STK31: variants seen among roughly 807,000 people sequenced by gnomAD.
The protein encoded by STK31 is serine/threonine-protein kinase 31.
In STK31, 89 loss-of-function variants were observed where a neutral mutation model predicts 129.7. That is an observed-to-expected ratio of 0.69 (90% CI 0.58 to 0.82). STK31 has a LOEUF of 0.82. STK31 is among the 40% of genes least tolerant of loss of function. The pLI, the probability that STK31 is intolerant of heterozygous loss-of-function variation, is 0.00. For synonymous variants in STK31, 448 were observed against 395.3 expected (o/e 1.13, Z -1.58); for missense variants, 1,187 against 1,176.4 (o/e 1.01, Z -0.13).
chr7:23,726,522 G>A (rs550530251), intron 4 of STK31: 1 of 151,184 alleles, frequency 6.6e-6, no homozygotes, highest in African/African-American at 2.4e-5. Context: ...GGACTGAGGT[G>A]GGAGGATCAC....
chr7:23,816,386 T>C (rs1412818250), intron 23 of STK31, among the ~76,000 whole-genome samples: 2 of 152,250 alleles, frequency 1.3e-5, no homozygotes, highest in Admixed American at 6.5e-5. Flanking sequence ...TACCAAGTTA[T>C]CCTGAAATTT....
intron 22 of STK31, among the ~76,000 whole-genome samples, chr7:23,797,968 A>C (rs547035432): frequency 5.3e-5 from 8 of 152,208 alleles, no homozygotes; most frequent in African/African-American, 9.6e-5. Context: ...AATGCAATAA[A>C]CACCTCTATG....
intron 3 of STK31, 62 bp from the exon 4 acceptor site, chr7:23,717,419 C>G (rs968016571): frequency 3.4e-6 from 4 of 1,181,256 alleles, no homozygotes; most frequent in South Asian, 1.5e-5. Flanking sequence ...TTAGAACCCT[C>G]AAGCGTGTAA....
chr7:23,723,768 A>T (rs891332669), intron 4 of STK31, among the ~76,000 whole-genome samples: 2 of 152,184 alleles, frequency 1.3e-5, no homozygotes, highest in African/African-American at 4.8e-5. Context: ...AGATAAGTCT[A>T]TCTGGGATAG....
chr7:23,760,133 A>G (rs1789371318), intron 10 of STK31, among the ~76,000 whole-genome samples: 1 of 152,118 alleles, frequency 6.6e-6, no homozygotes, highest in African/African-American at 2.4e-5. Context: ...GTTTTCTTTA[A>G]TTTATTGTAT....
chr7:23,793,717 A>G (rs1165046545), intron 22 of STK31, among the ~76,000 whole-genome samples: 1 of 152,198 alleles, frequency 6.6e-6, no homozygotes, highest in African/African-American at 2.4e-5. Context: ...AATGTATAAA[A>G]TTAAAAAGAT....
intron 6 of STK31, among the ~76,000 whole-genome samples, chr7:23,734,168 T>G (rs1018091971): frequency 2.0e-5 from 3 of 152,186 alleles, no homozygotes; most frequent in Non-Finnish European, 4.4e-5. Flanking sequence ...CCTGTTCGGT[T>G]TGCTTTGTTT....
chr7:23,790,758 G>A, intron 21 of STK31, 66 bp from the exon 22 acceptor site: 5 of 1,362,974 alleles, frequency 3.7e-6, no homozygotes, highest in Non-Finnish European at 4.8e-6. Context: ...ATTAAATGCA[G>A]AGTACTTCAC....
chr7:23,769,943 A>G, intron 13 of STK31, among the ~76,000 whole-genome samples, 187 bp downstream of exon 13: 1 of 152,170 alleles, frequency 6.6e-6, no homozygotes, highest in Non-Finnish European at 1.5e-5. Context: ...ACACCATGCA[A>G]AGTCTTATTC....
intron 12 of STK31, 55 bp from the exon 13 acceptor site, chr7:23,769,585 A>G: frequency 8.2e-7 from 1 of 1,220,654 alleles, no homozygotes; most frequent in Non-Finnish European, 1.2e-6. Context: ...TTAAGGCACG[A>G]TGAATGCTGA....
At chr7:23,755,387 G>A (rs1789005279) in intron 10 of STK31, among the ~76,000 whole-genome samples, 1 of 152,116 alleles carries the variant, frequency 6.6e-6, no homozygotes, top group Non-Finnish European at 1.5e-5. Flanking sequence ...GTAGATTCTG[G>A]ATATTAGATC....
rs1793404591 is a variant in STK31 at position 23,815,324 on chromosome 7, C to T, written c.2829+112C>T. 4.0e-6 allele frequency: 3 copies of T among 750,072 alleles called. No individual in the cohort carries two copies. The South Asian group carries it at 7.9e-5, about 20-fold the overall frequency. The allele number at this position is 750,072 out of a possible 1,614,324, so 46.5% of individuals were successfully genotyped here. A position where few individuals can be genotyped will look rare whatever the true frequency, so the allele number is the denominator to read the frequency against. On this transcript the variant is annotated intron_variant, in intron 23 of 23. Coordinates refer to ENST00000355870, the MANE Select transcript of STK31 (RefSeq NM_031414.5). ...TTCTAAGAATCCAAATTAACATTTG[C>T]AATAAATGAAGTATTGAAAAAAATT... is the stretch of plus-strand genomic sequence containing the variant.
rs974757401 is a variant in STK31 at position 23,785,342 on chromosome 7, G to A, written c.2149-136G>A. The A allele has an allele frequency of 2.4e-6, 3 of 1,246,972 alleles. No homozygotes were observed. In the African/African-American group the frequency reaches 4.5e-5, roughly 19 times the overall value. 77.2% of individuals were successfully genotyped at this position (1,246,972 alleles called of 1,614,324 possible). A position where few individuals can be genotyped will look rare whatever the true frequency, so the allele number is the denominator to read the frequency against. On this transcript the variant is annotated intron_variant, in intron 17 of 23. Transcript: ENST00000355870. ...ACTGGAGAAAGTACACAGTTTTAAAGATTTTAATTTTGTTGGTTTTTCCAG... is the reference window on the plus strand; with the variant it reads ...ACTGGAGAAAGTACACAGTTTTAAAAATTTTAATTTTGTTGGTTTTTCCAG...
chr7:23,741,044 AT>A (rs888062604), intron 8 of STK31, among the ~76,000 whole-genome samples: 2 of 152,278 alleles, frequency 1.3e-5, no homozygotes, highest in African/African-American at 4.8e-5. Context: ...GAACTAATGA[AT>A]TTTAAACATA....
rs1377560563 is a variant in STK31, at chr7:23,710,478, G to A, written c.50+143G>A. 3 of 1,524,180 alleles carry A rather than the reference G, an allele frequency of 2.0e-6. No homozygotes were observed. The African/African-American group carries it at 4.1e-5, about 21-fold the overall frequency. The allele number at this position is 1,524,180 out of a possible 1,614,324, so 94.4% of individuals were successfully genotyped here. On this transcript the variant is annotated intron_variant, in intron 1 of 23. Transcript: ENST00000355870. ...CCTTCTAGCCGCCCGCCACCCCAGAGGGGTGCCAGATGCCCCAGTTTTTGA... is the reference window on the plus strand; with the variant it reads ...CCTTCTAGCCGCCCGCCACCCCAGAAGGGTGCCAGATGCCCCAGTTTTTGA...
At chr7:23,726,628 AAG>A (rs1431640293) in intron 4 of STK31, among the ~76,000 whole-genome samples, 1 of 151,562 alleles carries the variant, frequency 6.6e-6, no homozygotes, top group Non-Finnish European at 1.5e-5. Context: ...AAAAAAAAAA[AAG>A]AAAAGAAAAT....
Position 23,790,899 on chromosome 7 carries a change from G to T in STK31, c.2713G>T (p.Ala905Ser). ...MSPELKMGKP[A>S]SPGSDLYAYG... Reference sequence around the variant, plus strand: ...ACCTGAGTTGAAAATGGGAAAACCTGCTTCTCCAGGTTCAGACTTATATGC... The same window carrying T: ...ACCTGAGTTGAAAATGGGAAAACCTTCTTCTCCAGGTTCAGACTTATATGC... The change falls in exon 22 of 24, where the codon GCT (alanine) becomes TCT (serine). Residue 905 changes from alanine to serine, a missense_variant. Physicochemically the swap from Ala to Ser is moderately conservative, Grantham distance 99. Around this residue, in one of 5 missense-constraint regions of STK31, gnomAD observed 975 missense variants for 934.9 expected, o/e 1.04. Transcript: ENST00000355870. 2 of 1,608,092 alleles carry T rather than the reference G, an allele frequency of 1.2e-6. No homozygotes were observed. The highest frequency in any genetic ancestry group is 1.7e-6 in the Non-Finnish European group (2 of 1,177,632).
At chr7:23,753,778 G>A (rs934994261) in intron 9 of STK31, among the ~76,000 whole-genome samples, 3 of 152,156 alleles carry the variant, frequency 2.0e-5, no homozygotes, top group Non-Finnish European at 4.4e-5. Flanking sequence ...TTTCTTAAAT[G>A]TGTGTATAGG....
At chr7:23,825,277 C>CTT (rs1794062396) in intron 23 of STK31, among the ~76,000 whole-genome samples, 1 of 152,120 alleles carries the variant, frequency 6.6e-6, no homozygotes, top group African/African-American at 2.4e-5. Flanking sequence ...AATTTCAGAG[C>CTT]CTGTTATTGG....
Sources: gnomAD v4.1 joint callset for allele counts (sites outside exome capture counted in the v4.1 genomes callset) on GRCh38, gnomAD v4.1.1 for gene constraint, gnomAD v4.1.1 regional missense constraint, MANE v1.5 for transcripts, NCBI Gene and HGNC (gene_info 2026-07-23, HGNC 2026-07-21) for gene names.